ANO2: variants seen among roughly 807,000 people sequenced by gnomAD.
ANO2 encodes the protein anoctamin-2.
ANO2 carries 101 observed loss-of-function variants against 124.2 expected under a neutral mutation model. The observed-to-expected ratio is 0.81, with a 90% CI of 0.69 to 0.96. The LOEUF (loss-of-function observed/expected upper bound fraction) is 0.96. ANO2 is among the 40% of genes least tolerant of loss of function. ANO2 has a pLI of 0.00. For synonymous variants in ANO2, 486 were observed against 482.5 expected (o/e 1.01, Z -0.09); for missense variants, 1,293 against 1,274.5 (o/e 1.01, Z -0.22).
intron 3 of ANO2, among the ~76,000 whole-genome samples, chr12:5,876,486 A>G (rs1005345388): frequency 2.0e-5 from 3 of 152,212 alleles, no homozygotes; most frequent in African/African-American, 7.2e-5. Flanking sequence ...CTGGGTATAA[A>G]CGCAAAGGAT....
At chr12:5,720,154 G>T (rs1461266061) in intron 14 of ANO2, among the ~76,000 whole-genome samples, 2 of 152,204 alleles carry the variant, frequency 1.3e-5, no homozygotes, top group Non-Finnish European at 2.9e-5. Context: ...TGTGGTGGTG[G>T]ATGGAGAAGG....
chr12:5,799,434 C>A, intron 10 of ANO2, 73 bp downstream of exon 10: 2 of 1,313,076 alleles, frequency 1.5e-6, no homozygotes, highest in South Asian at 1.2e-5. Flanking sequence ...CTGTCAGAGT[C>A]AAAAGGTTTA....
intron 14 of ANO2, among the ~76,000 whole-genome samples, chr12:5,670,520 A>T (rs1485903833): frequency 6.6e-6 from 1 of 152,144 alleles, no homozygotes; most frequent in East Asian, 1.9e-4. Context: ...GAAATGTTCC[A>T]CATGTATTAA....
rs147302188 is a variant in ANO2 at position 5,813,577 on chromosome 12, A to C, written c.893-6209T>G. 4.2e-3 allele frequency among the ~76,000 whole-genome samples: 634 copies of C among 152,288 alleles called. 3 individuals carry two copies. The highest frequency in any genetic ancestry group is 6.8e-3 in the Middle Eastern group (2 of 294). ...ATAATCACATGCAAAGAATTGCTAT[A>C]GGAGTACAAACTTCTTCCAACCATC... On this transcript the variant is annotated intron_variant, in intron 7 of 24. Transcript: ENST00000682330.
intron 14 of ANO2, among the ~76,000 whole-genome samples, chr12:5,726,808 C>T (rs1039159560): frequency 6.6e-6 from 1 of 152,174 alleles, no homozygotes; most frequent in East Asian, 1.9e-4. Context: ...TCCAATCCCC[C>T]AAACCAATGG....
At chr12:5,627,062 T>C (rs1475904295) in intron 16 of ANO2, among the ~76,000 whole-genome samples, 1 of 152,244 alleles carries the variant, frequency 6.6e-6, no homozygotes, top group Non-Finnish European at 1.5e-5. Context: ...CCAGTTACAC[T>C]GTGTTCTAAA....
upstream of ANO2, chr12:5,946,110 G>A (rs1230120046): frequency 1.2e-6 from 2 of 1,607,920 alleles, no homozygotes; most frequent in Non-Finnish European, 8.5e-7. The surrounding 1 kb of genome is among the most constrained non-coding windows in gnomAD (Gnocchi z 4.1). Flanking sequence ...AAATGAAGAA[G>A]TACTATGTTA....
At chr12:5,858,609 A>G (rs1955177739) in intron 3 of ANO2, 1 of 152,204 alleles carries the variant, frequency 6.6e-6, no homozygotes, top group Admixed American at 6.5e-5. Context: ...AATGAGCCTC[A>G]CCTTCTTTAT....
intron 9 of ANO2, among the ~76,000 whole-genome samples, chr12:5,801,564 T>C (rs1591633812): frequency 6.6e-6 from 1 of 152,228 alleles, no homozygotes; most frequent in African/African-American, 2.4e-5. Flanking sequence ...AGACATGATA[T>C]TAAAATGGAA....
intron 5 of ANO2, among the ~76,000 whole-genome samples, chr12:5,830,695 A>G (rs1477396547): frequency 6.6e-6 from 1 of 152,218 alleles, no homozygotes; most frequent in Non-Finnish European, 1.5e-5. Flanking sequence ...ACTCAACACA[A>G]GGAAAGAAAA....
At chr12:5,854,163 C>A in intron 3 of ANO2, 22 bp from the exon 4 acceptor site, 1 of 1,600,730 alleles carries the variant, frequency 6.2e-7, no homozygotes, top group Non-Finnish European at 8.6e-7. Context: ...AAAGAAAGAA[C>A]AAATGGAAAC....
At chr12:5,584,974 G>T (rs2136857239) in intron 20 of ANO2, among the ~76,000 whole-genome samples, 1 of 152,170 alleles carries the variant, frequency 6.6e-6, no homozygotes. Flanking sequence ...AGATTACTGT[G>T]GCATCCTTCC....
At chr12:5,932,052 G>A (rs1196707511) in intron 1 of ANO2, among the ~76,000 whole-genome samples, 1 of 84,340 alleles carries the variant, frequency 1.2e-5, no homozygotes, top group African/African-American at 4.1e-5. Flanking sequence ...AAGGAAGGAA[G>A]ACTGGTAAGA....
chr12:5,614,110 C>T (rs1027166734), intron 17 of ANO2, among the ~76,000 whole-genome samples: 14 of 152,296 alleles, frequency 9.2e-5, no homozygotes, highest in African/African-American at 1.2e-4. Flanking sequence ...TGTTGGTTGA[C>T]GCCTATTGGG....
chr12:5,924,596 C>A (rs1432232166), intron 1 of ANO2, among the ~76,000 whole-genome samples: 1 of 152,182 alleles, frequency 6.6e-6, no homozygotes, highest in Non-Finnish European at 1.5e-5. Context: ...AATATTAAGC[C>A]GAAAGCTGAG....
chr12:5,631,632 G>C (rs1945723304), intron 16 of ANO2, among the ~76,000 whole-genome samples: 1 of 152,188 alleles, frequency 6.6e-6, no homozygotes, highest in South Asian at 2.1e-4. Flanking sequence ...CTGGAAGTGG[G>C]AGGATGACCA....
chr12:5,881,496 G>T (rs1385057339), intron 3 of ANO2, among the ~76,000 whole-genome samples: 1 of 152,122 alleles, frequency 6.6e-6, no homozygotes, highest in Non-Finnish European at 1.5e-5. Flanking sequence ...AAGCCAAAGG[G>T]GTTGAAATTC....
chr12:5,639,037 C>T (rs550060788), intron 15 of ANO2, among the ~76,000 whole-genome samples: 30 of 152,242 alleles, frequency 2.0e-4, no homozygotes, highest in African/African-American at 7.0e-4. Context: ...TCACGAGCTT[C>T]TGGTATGCTC....
At chr12:5,664,964 C>A (rs116260936) in intron 14 of ANO2, among the ~76,000 whole-genome samples, 3,742 of 151,666 alleles carry the variant, frequency 0.025, 152 homozygotes, top group African/African-American at 0.085. Context: ...AGTTCCTTTA[C>A]CCCCTCATCT....
Sources: gnomAD v4.1 joint callset for allele counts (sites outside exome capture counted in the v4.1 genomes callset) on GRCh38, gnomAD v4.1.1 for gene constraint, Gnocchi (gnomAD v3.1) non-coding constraint, MANE v1.5 for transcripts, NCBI Gene and HGNC (gene_info 2026-07-23, HGNC 2026-07-21) for gene names.